The following JHY variants were observed in gnomAD, a reference collection of about 807,000 sequenced individuals.
JHY encodes junctional cadherin complex regulator.
JHY carries 69 observed loss-of-function variants against 78.0 expected under a neutral mutation model. That is an observed-to-expected ratio of 0.88 (90% CI 0.73 to 1.08). JHY has a LOEUF of 1.08. Ranked by LOEUF, JHY falls within the 50% of genes least tolerant of loss-of-function variation. The pLI, the probability that JHY is intolerant of heterozygous loss-of-function variation, is 0.00. For synonymous variants in JHY, 368 were observed against 342.6 expected, an observed-to-expected ratio of 1.07 and a Z score of -0.82; for missense variants, 944 against 927.8, an observed-to-expected ratio of 1.02 and a Z score of -0.23.
intron 6 of JHY, among the ~76,000 whole-genome samples, chr11:122,949,519 C>A (rs560554274): frequency 6.6e-6 from 1 of 152,044 alleles, no homozygotes; most frequent in African/African-American, 2.4e-5. Flanking sequence ...GAGATACTAA[C>A]GAGAAGAAAA....
At chr11:122,957,131 G>A (rs1864209738) in intron 7 of JHY, among the ~76,000 whole-genome samples, 1 of 152,158 alleles carries the variant, frequency 6.6e-6, no homozygotes, top group Non-Finnish European at 1.5e-5. Context: ...CCCCTGTTAA[G>A]GGAATACCGG....
rs902161241 is a variant in JHY, at chr11:122,962,693, G to A, written c.*3248G>A. Among the ~76,000 whole-genome samples, 2 of 152,166 alleles carry A rather than the reference G, an allele frequency of 1.3e-5. No homozygotes were observed. Among genetic ancestry groups the A allele is most frequent in the African/African-American group, 4.8e-5 (2 of 41,464 alleles). On this transcript the variant is annotated 3_prime_UTR_variant, in exon 9 of 9. Transcript: ENST00000227349. ...GCATATAGAGACATTCATATTTAAA[G>A]GGATAGGGTAAAATTTTTAAATATT...
chr11:122,937,574 A>G (rs1863784982), intron 5 of JHY, among the ~76,000 whole-genome samples: 1 of 152,012 alleles, frequency 6.6e-6, no homozygotes, highest in Non-Finnish European at 1.5e-5. Flanking sequence ...CATTTCTTTC[A>G]GATTGAAAAT....
At chr11:122,956,674 C>A in intron 7 of JHY, 98 bp downstream of exon 7, 1 of 938,698 alleles carries the variant, frequency 1.1e-6, no homozygotes, top group Non-Finnish European at 1.6e-6. Flanking sequence ...AACCCTAATT[C>A]AAATGTCTCA....
chr11:122,889,868 C>T (rs769432021), intron 2 of JHY, among the ~76,000 whole-genome samples: 29 of 152,070 alleles, frequency 1.9e-4, no homozygotes, highest in Non-Finnish European at 3.7e-4. Flanking sequence ...AAATGATTCT[C>T]GTGCTTCAGC....
At chr11:122,945,231 A>G (rs1863940776) in intron 5 of JHY, among the ~76,000 whole-genome samples, 1 of 152,162 alleles carries the variant, frequency 6.6e-6, no homozygotes, top group South Asian at 2.1e-4. Context: ...TTCCAGTGTA[A>G]TAAATCTCTC....
At chr11:122,939,807 A>G (rs142957055) in intron 5 of JHY, among the ~76,000 whole-genome samples, 40 of 152,202 alleles carry the variant, frequency 2.6e-4, no homozygotes, top group African/African-American at 8.2e-4. Flanking sequence ...TTATCTCTAA[A>G]TATTTCAACA....
At chr11:122,904,701 A>C (rs1170991313) in intron 3 of JHY, among the ~76,000 whole-genome samples, 1 of 152,236 alleles carries the variant, frequency 6.6e-6, no homozygotes, top group Non-Finnish European at 1.5e-5. Context: ...TATTATATCC[A>C]AAATTGCTAT....
At position 122,905,445 on chromosome 11, in the gene JHY, A is replaced by T. The variant is rs746577962; in HGVS notation, c.864+1001A>T. 5 of 1,309,032 alleles carry T rather than the reference A, an allele frequency of 3.8e-6. No homozygotes were observed. In the South Asian group the frequency reaches 8.2e-5, roughly 22 times the overall value. 81.1% of individuals were successfully genotyped at this position (1,309,032 alleles called of 1,614,324 possible). A position where few individuals can be genotyped will look rare whatever the true frequency, so the allele number is the denominator to read the frequency against. The stretch of plus-strand genomic sequence containing the variant: ...TGTGGTTGCCCTTAGACCTATTCCA[A>T]ATCCCAACTGGTATTTTTTTTTAAC... On this transcript the variant is annotated intron_variant, in intron 3 of 8. Coordinates refer to ENST00000227349, the MANE Select transcript of JHY (RefSeq NM_024806.4).
chr11:122,900,910 C>A (rs1862843380), intron 2 of JHY, among the ~76,000 whole-genome samples: 1 of 152,140 alleles, frequency 6.6e-6, no homozygotes. Flanking sequence ...CCGTGCTTTC[C>A]CCCAAAAAGG....
intron 3 of JHY, among the ~76,000 whole-genome samples, chr11:122,922,538 A>G (rs145470191): frequency 0.022 from 3,391 of 151,238 alleles, 52 homozygotes; most frequent in African/African-American, 0.041. Flanking sequence ...GAGGCTGGGC[A>G]CGGTGGCTCA....
chr11:122,909,112 C>T (rs1221492785), intron 3 of JHY, among the ~76,000 whole-genome samples: 2 of 152,100 alleles, frequency 1.3e-5, no homozygotes, highest in African/African-American at 4.8e-5. Flanking sequence ...GGCTATTACA[C>T]ATATAAGAGG....
chr11:122,894,140 G>A (rs1269641470), intron 2 of JHY, among the ~76,000 whole-genome samples: 1 of 152,028 alleles, frequency 6.6e-6, no homozygotes, highest in Non-Finnish European at 1.5e-5. Flanking sequence ...GGCCAACATA[G>A]TGAAACCCCG....
intron 2 of JHY, among the ~76,000 whole-genome samples, chr11:122,899,656 C>T (rs956364874): frequency 2.0e-5 from 3 of 152,196 alleles, no homozygotes; most frequent in Non-Finnish European, 4.4e-5. Flanking sequence ...CTTGCAGTCC[C>T]CGCTGCCTGG....
At position 122,939,515 on chromosome 11, in the gene JHY, C is replaced by A. The variant is rs114596480; in HGVS notation, c.1634+4440C>A. On this transcript the variant is annotated intron_variant, in intron 5 of 8. Transcript: ENST00000227349. ...CTGCTTCCGAAATATTTGCTCTTTT[C>A]CCCCCATTTTGTTCTCTTTATCTTC... 4.5e-3 allele frequency among the ~76,000 whole-genome samples: 679 copies of A among 152,172 alleles called. 9 individuals carry two copies. Among genetic ancestry groups the A allele is most frequent in the African/African-American group, 0.016 (664 of 41,522 alleles).
intron 3 of JHY, among the ~76,000 whole-genome samples, chr11:122,907,582 C>T (rs923276139): frequency 2.6e-5 from 4 of 152,056 alleles, no homozygotes; most frequent in Admixed American, 2.0e-4. Flanking sequence ...CGGTGGCTCA[C>T]GCCTGTAATC....
Position 122,934,734 on chromosome 11 carries a change from A to G in JHY, c.1293A>G (p.Arg431=). The G allele has an allele frequency of 6.2e-7, 1 of 1,614,218 alleles. No homozygotes were observed. The highest frequency in any genetic ancestry group is 8.5e-7 in the Non-Finnish European group (1 of 1,180,032). Reference sequence around the variant, plus strand: ...ATGTACAAGCCTCAAGGGCACTTAGAAGCCACAATCTCAAAGAAACCTCCA... The same window carrying G: ...ATGTACAAGCCTCAAGGGCACTTAGGAGCCACAATCTCAAAGAAACCTCCA... ...NNDVQASRAL[R]SHNLKETSNT... is the part of the protein sequence containing the mutation. Residue 431 remains arginine, a synonymous_variant, in exon 5 of 9, where the codon AGA becomes AGG. Transcript: ENST00000227349.
At chr11:122,904,688 AATT>A (rs770404090) in intron 3 of JHY, among the ~76,000 whole-genome samples, 3 of 152,244 alleles carry the variant, frequency 2.0e-5, no homozygotes, top group African/African-American at 4.8e-5. Flanking sequence ...GCTATAAGTC[AATT>A]ATTATATCCA....
chr11:122,946,611 C>G lies in JHY; in HGVS notation c.1748C>G (p.Pro583Arg). 6.2e-7 allele frequency: 1 copy of G among 1,613,986 alleles called. No homozygotes were observed. The highest frequency in any genetic ancestry group is 8.5e-7 in the Non-Finnish European group (1 of 1,179,986). ...TTGGTGCAGCTGACCGACGTGCAGC[C>G]CAGTGAAGGGGCCTTATCCAGCGTC... ...QALVQLTDVQPSEGALSSVTL... is the reference protein window; with the variant it reads ...QALVQLTDVQRSEGALSSVTL... Residue 583 changes from proline (P) to arginine (R), a missense_variant, in exon 6 of 9, where the codon CCC becomes CGC. Transcript: ENST00000227349.
Sources: allele counts gnomAD v4.1 joint callset (sites outside exome capture counted in the v4.1 genomes callset), GRCh38; gene constraint gnomAD v4.1.1; transcripts MANE v1.5; gene names NCBI Gene and HGNC (gene_info 2026-07-23, HGNC 2026-07-21).